Variants in PCNX2 observed in about 807,000 individuals in gnomAD.
The protein encoded by PCNX2 is pecanex-like protein 2.
In PCNX2, 168 loss-of-function variants were observed where a neutral mutation model predicts 223.8. That is an observed-to-expected ratio of 0.75 (90% confidence interval 0.66 to 0.85). The LOEUF is 0.85. Ranked by LOEUF, PCNX2 falls within the 40% of genes least tolerant of loss-of-function variation. The pLI, the probability that PCNX2 is intolerant of heterozygous loss-of-function variation, is 0.00. For missense variants in PCNX2, 2,507 were observed against 2,675.5 expected, an observed-to-expected ratio of 0.94 and a Z score of 1.39; for synonymous variants, 1,006 against 1,052.6, an observed-to-expected ratio of 0.96 and a Z score of 0.86.
At chr1:233,137,158 A>G (rs1420265771) in intron 20 of PCNX2, among the ~76,000 whole-genome samples, 1 of 152,100 alleles carries the variant, frequency 6.6e-6, no homozygotes. Flanking sequence ...CCTGGCCAGG[A>G]CCCCACTGTC....
In PCNX2 at chr1:233,111,121, C is replaced by T. The variant is rs114623753; in HGVS notation, c.3838-15258G>A. The stretch of plus-strand genomic sequence containing the variant: ...ATTTGGCATATCATTTTTTATCACA[C>T]GGAAAGTCGTACAGAATCTTGGCAG... On this transcript the variant is annotated intron_variant, in intron 21 of 33. Coordinates refer to ENST00000258229, the MANE Select transcript of PCNX2 (RefSeq NM_014801.4). Among the ~76,000 whole-genome samples, 231 of 152,242 alleles carry T rather than the reference C, an allele frequency of 1.5e-3. 1 individual carries two copies. The highest frequency in any genetic ancestry group is 5.2e-3 in the African/African-American group (218 of 41,534).
chr1:233,165,966 T>C (rs1385603103), intron 17 of PCNX2, among the ~76,000 whole-genome samples: 1 of 152,152 alleles, frequency 6.6e-6, no homozygotes, highest in Non-Finnish European at 1.5e-5. Context: ...TCAAGGTTTA[T>C]TACAAAGCAC....
chr1:233,201,464 G>T (rs1455397597), intron 13 of PCNX2: 1 of 152,112 alleles, frequency 6.6e-6, no homozygotes, highest in Non-Finnish European at 1.5e-5. Context: ...GAAATAAATA[G>T]AAATTTAATT....
intron 12 of PCNX2, among the ~76,000 whole-genome samples, chr1:233,209,825 T>C (rs1280090176): frequency 6.6e-6 from 1 of 152,194 alleles, no homozygotes; most frequent in Non-Finnish European, 1.5e-5. Flanking sequence ...GTTGCATTTT[T>C]AAAAACTGAA....
At chr1:233,134,657 C>T (rs1033218222) in intron 21 of PCNX2, 11 of 282,598 alleles carry the variant, frequency 3.9e-5, no homozygotes, top group African/African-American at 1.5e-4. Context: ...GAGGGAGAGA[C>T]GGAGGGAGGG....
At chr1:233,214,549 G>A (rs1682009099) in intron 12 of PCNX2, among the ~76,000 whole-genome samples, 1 of 152,184 alleles carries the variant, frequency 6.6e-6, no homozygotes, top group Non-Finnish European at 1.5e-5. Context: ...GCTTGCTCAG[G>A]CGATTCCGGG....
At chr1:233,065,113 T>A (rs1672544844) in intron 23 of PCNX2, among the ~76,000 whole-genome samples, 1 of 152,204 alleles carries the variant, frequency 6.6e-6, no homozygotes, top group Non-Finnish European at 1.5e-5. Flanking sequence ...TCTGTTTACA[T>A]TCCCTCAGTG....
chr1:233,146,026 C>T (rs1252023906), intron 19 of PCNX2, among the ~76,000 whole-genome samples: 6 of 152,104 alleles, frequency 3.9e-5, no homozygotes, highest in South Asian at 2.1e-4. Flanking sequence ...AATGCTCATA[C>T]GCCACAATCC....
intron 25 of PCNX2, among the ~76,000 whole-genome samples, chr1:233,043,980 C>A (rs1164041550): frequency 6.6e-6 from 1 of 151,848 alleles, no homozygotes; most frequent in East Asian, 1.9e-4. Flanking sequence ...GAGGAATCCC[C>A]ACACTGACTT....
intron 8 of PCNX2, among the ~76,000 whole-genome samples, chr1:233,240,606 T>C (rs914198790): frequency 5.9e-5 from 9 of 152,188 alleles, no homozygotes; most frequent in Non-Finnish European, 1.3e-4. Flanking sequence ...ACTAGTTTGG[T>C]TCAGGGCTAT....
chr1:233,206,694 T>C (rs1681485750), intron 13 of PCNX2, among the ~76,000 whole-genome samples: 1 of 152,174 alleles, frequency 6.6e-6, no homozygotes, highest in Non-Finnish European at 1.5e-5. Context: ...TCAGAGGTTC[T>C]CTGAAGCATG....
chr1:233,074,812 CAAGAA>C (rs1345654232), intron 23 of PCNX2, among the ~76,000 whole-genome samples: 1 of 151,854 alleles, frequency 6.6e-6, no homozygotes, highest in East Asian at 1.9e-4. Context: ...CAAATATGCT[CAAGAA>C]AAGATAATCA....
chr1:233,323,783 T>G, the PCNX2 span, among the ~76,000 whole-genome samples: 118,969 of 152,056 alleles, frequency 0.78, 46,701 homozygotes, highest in South Asian at 0.82. Flanking sequence ...TTGAAATTAG[T>G]CCAATTAATA....
In PCNX2 at chr1:233,025,133, A is replaced by G; in HGVS notation, c.4605+13T>C. 1 of 1,613,344 alleles carries G rather than the reference A, an allele frequency of 6.2e-7. No homozygotes were observed. Among genetic ancestry groups the G allele is most frequent in the Non-Finnish European group, 8.5e-7 (1 of 1,179,354 alleles). ...GCATTTCTGCCTTAGGTGTTTGGGAAACAGAGCAATACCTTGATGTAGTAG... is the reference window on the plus strand; with the variant it reads ...GCATTTCTGCCTTAGGTGTTTGGGAGACAGAGCAATACCTTGATGTAGTAG... On this transcript the variant is annotated intron_variant, in intron 26 of 33. Transcript: ENST00000258229.
chr1:233,303,462 C>T, the PCNX2 span, among the ~76,000 whole-genome samples: 7 of 152,106 alleles, frequency 4.6e-5, no homozygotes, highest in Admixed American at 4.6e-4. Context: ...CTTCAGTGAG[C>T]CATGTTCACA....
the PCNX2 span, among the ~76,000 whole-genome samples, chr1:233,309,818 C>T: frequency 6.6e-6 from 1 of 151,858 alleles, no homozygotes; most frequent in African/African-American, 2.4e-5. Flanking sequence ...GCGGTTGTTG[C>T]AGTGAGCTGA....
intron 23 of PCNX2, among the ~76,000 whole-genome samples, chr1:233,084,283 T>C (rs1673494845): frequency 6.6e-6 from 1 of 152,316 alleles, no homozygotes; most frequent in South Asian, 2.1e-4. Flanking sequence ...GTAGAACCAA[T>C]TATTTCTTGC....
Position 233,216,231 on chromosome 1 carries a change from T to C in PCNX2, c.2691+1668A>G, listed in dbSNP as rs541209110. Among the ~76,000 whole-genome samples, 16 of 152,212 alleles carry C rather than the reference T, an allele frequency of 1.1e-4. No homozygotes were observed. The South Asian group carries it at 2.7e-3, about 26-fold the overall frequency. ...CCTGCAAGGGGCACTGCCTGTCCCA[T>C]AGCACCCACCCCGTAGGCCACCATG... On this transcript the variant is annotated intron_variant, in intron 12 of 33. Transcript: ENST00000258229.
At position 233,253,816 on chromosome 1, in the gene PCNX2, G is replaced by C. The variant is rs1267364202; in HGVS notation, c.1835-1028C>G. Among the ~76,000 whole-genome samples the C allele has an allele frequency of 1.4e-4, 21 of 152,116 alleles. No individual in the cohort carries two copies. Among genetic ancestry groups the C allele is most frequent in the Non-Finnish European group, 3.1e-4 (21 of 68,028 alleles). On this transcript the variant is annotated intron_variant, in intron 5 of 33. Coordinates refer to ENST00000258229, the MANE Select transcript of PCNX2 (RefSeq NM_014801.4). This position sits in a 1 kb window ranked among gnomAD's most constrained non-coding sequence, Gnocchi z 4.2. Reference sequence around the variant, plus strand: ...CTCTTTAAACAACAAACCACTAAGGGTCTCAGGTTATACCATTATGCAAAA... The same window carrying C: ...CTCTTTAAACAACAAACCACTAAGGCTCTCAGGTTATACCATTATGCAAAA...
Sources: gnomAD v4.1 joint callset for allele counts (sites outside exome capture counted in the v4.1 genomes callset) on GRCh38, gnomAD v4.1.1 for gene constraint, Gnocchi (gnomAD v3.1) non-coding constraint, MANE v1.5 for transcripts, NCBI Gene and HGNC (gene_info 2026-07-23, HGNC 2026-07-21) for gene names.